PPP4R3B: variants seen among roughly 807,000 people sequenced by gnomAD.
PPP4R3B encodes protein phosphatase 4 regulatory subunit 3B, also known as serine/threonine-protein phosphatase 4 regulatory subunit 3B.
A neutral mutation model predicts 95.4 loss-of-function variants in PPP4R3B; 52 were observed. That is an observed-to-expected ratio of 0.54 (90% CI 0.44 to 0.69). The LOEUF is 0.69. PPP4R3B is among the 30% of genes least tolerant of loss of function. PPP4R3B has a pLI of 0.00. For synonymous variants in PPP4R3B, 407 were observed against 343.9 expected, an observed-to-expected ratio of 1.18 and a Z score of -2.03; for missense variants, 1,003 against 1,005.9, an observed-to-expected ratio of 1.00 and a Z score of 0.04.
chr2:55,570,010 T>A (rs1687804876), intron 12 of PPP4R3B, among the ~76,000 whole-genome samples: 1 of 152,112 alleles, frequency 6.6e-6, no homozygotes, highest in African/African-American at 2.4e-5. Flanking sequence ...GAAAAAAACA[T>A]TTGTGCTGAG....
At chr2:55,607,856 G>T (rs1693635319) in intron 2 of PPP4R3B, among the ~76,000 whole-genome samples, 1 of 152,136 alleles carries the variant, frequency 6.6e-6, no homozygotes, top group Non-Finnish European at 1.5e-5. Flanking sequence ...CTAACAGAAT[G>T]AAATCCAAAA....
intron 2 of PPP4R3B, among the ~76,000 whole-genome samples, chr2:55,608,407 T>C (rs909352792): frequency 6.6e-6 from 1 of 152,234 alleles, no homozygotes; most frequent in African/African-American, 2.4e-5. Flanking sequence ...GGACTGACCC[T>C]GGGAAACAGT....
intron 11 of PPP4R3B, among the ~76,000 whole-genome samples, chr2:55,575,723 C>A (rs1302783909): frequency 1.3e-5 from 2 of 152,056 alleles, no homozygotes; most frequent in African/African-American, 4.8e-5. Context: ...CAGGTGTGAG[C>A]CACCACGCTT....
chr2:55,589,347 C>CAAG (rs57315190), intron 4 of PPP4R3B, among the ~76,000 whole-genome samples: 127,862 of 151,998 alleles, frequency 0.84, 54,364 homozygotes, highest in African/African-American at 0.94. Flanking sequence ...ATTAGAAAAA[C>CAAG]AAGAATTGTA....
At chr2:55,611,208 T>G (rs533236317) in intron 2 of PPP4R3B, among the ~76,000 whole-genome samples, 1 of 152,074 alleles carries the variant, frequency 6.6e-6, no homozygotes, top group Non-Finnish European at 1.5e-5. Flanking sequence ...TGGGGTGCAA[T>G]GGCTACGCAC....
intron 8 of PPP4R3B, among the ~76,000 whole-genome samples, chr2:55,581,033 A>T (rs780676538): frequency 2.6e-5 from 4 of 152,092 alleles, no homozygotes; most frequent in Non-Finnish European, 5.9e-5. Flanking sequence ...CGGGTGGATC[A>T]CCTGAGGTCA....
At chr2:55,595,060 T>C (rs1691578683) in intron 4 of PPP4R3B, among the ~76,000 whole-genome samples, 1 of 150,932 alleles carries the variant, frequency 6.6e-6, no homozygotes, top group Non-Finnish European at 1.5e-5. Flanking sequence ...AGTCTCGCTC[T>C]GTCACCCTGG....
chr2:55,606,760 T>C (rs368414188), intron 2 of PPP4R3B, among the ~76,000 whole-genome samples: 19 of 149,556 alleles, frequency 1.3e-4, no homozygotes, highest in African/African-American at 4.0e-4. Context: ...GAGGTGGAGA[T>C]TTCAGTGAGC....
In PPP4R3B at chr2:55,608,586, A is replaced by G. The variant is rs188496457; in HGVS notation, c.199-4510T>C. ...GCTTGGACTATGCAGCAATCTCCCA[A>G]TGAGTTTCCCACTTATTGCTTCTCT... On this transcript the variant is annotated intron_variant, in intron 2 of 16. Coordinates refer to ENST00000616407, the MANE Select transcript of PPP4R3B (RefSeq NM_001122964.3). Among the ~76,000 whole-genome samples the G allele has an allele frequency of 7.6e-4, 115 of 152,272 alleles. 1 individual carries two copies. Among genetic ancestry groups the G allele is most frequent in the African/African-American group, 2.6e-3 (110 of 41,562 alleles).
chr2:55,563,753 A>G (rs1421280706), intron 15 of PPP4R3B, among the ~76,000 whole-genome samples: 1 of 152,246 alleles, frequency 6.6e-6, no homozygotes, highest in African/African-American at 2.4e-5. Context: ...AGGCCACAGA[A>G]GTAAAATGGT....
In PPP4R3B at chr2:55,598,958, C is replaced by T. The variant is rs374481587; in HGVS notation, c.379G>A (p.Glu127Lys). The T allele has an allele frequency of 4.3e-6, 7 of 1,614,036 alleles. No homozygotes were observed. Among genetic ancestry groups the T allele is most frequent in the Non-Finnish European group, 5.9e-6 (7 of 1,180,044 alleles). ...SEEERFEEMP[E>K]TSHLIDLPTC... The stretch of plus-strand genomic sequence containing the variant: ...GGCAGGTCAATCAGATGACTAGTTT[C>T]AGGCATTTCTTCAAATCGTTCTTCT... The change falls in exon 4 of 17, where the codon GAA (glutamate) becomes AAA (lysine). Residue 127 changes from glutamate to lysine, a missense_variant. This residue lies in a region of PPP4R3B where 695 missense variants were observed against 686.2 expected (regional missense o/e 1.01). Coordinates refer to ENST00000616407, the MANE Select transcript of PPP4R3B (RefSeq NM_001122964.3).
chr2:55,564,290 G>C, intron 15 of PPP4R3B, 23 bp downstream of exon 15: 1 of 1,599,432 alleles, frequency 6.3e-7, no homozygotes, highest in Non-Finnish European at 8.5e-7. Flanking sequence ...GGTACACTGT[G>C]CAAAAATTCC....
intron 8 of PPP4R3B, among the ~76,000 whole-genome samples, 163 bp from the exon 9 acceptor site, chr2:55,579,944 C>T (rs546287703): frequency 5.3e-5 from 8 of 151,954 alleles, no homozygotes; most frequent in East Asian, 1.9e-4. Context: ...AAAAATCAAA[C>T]ACTTGGTTAT....
rs1450454406 is a variant in PPP4R3B, at chr2:55,564,504, G to A, written c.2076-7C>T. ...ACGCAATATAGATGGTACACTGTAA[G>A]AAATATATCACAAATATTGAGTAAT... On this transcript the variant is annotated splice_polypyrimidine_tract_variant and splice_region_variant and intron_variant, in intron 14 of 16. Coordinates refer to ENST00000616407, the MANE Select transcript of PPP4R3B (RefSeq NM_001122964.3). The A allele has an allele frequency of 1.3e-6, 2 of 1,575,230 alleles. No individual in the cohort carries two copies. The highest frequency in any genetic ancestry group is 2.4e-5 in the South Asian group (2 of 84,492).
intron 2 of PPP4R3B, among the ~76,000 whole-genome samples, chr2:55,605,776 C>T (rs1376915997): frequency 3.3e-5 from 5 of 151,830 alleles, no homozygotes; most frequent in East Asian, 1.9e-4. Context: ...CGTGGTGGCG[C>T]GTGCCTATAG....
Position 55,571,309 on chromosome 2 carries a change from C to CA in PPP4R3B, c.1765+2309dup, listed in dbSNP as rs11358675. Among the ~76,000 whole-genome samples the CA allele has an allele frequency of 4.9e-4, 72 of 148,206 alleles. 1 individual carries two copies. In the South Asian group the frequency reaches 0.01, roughly 21 times the overall value. On this transcript the variant is annotated intron_variant, in intron 12 of 16. Coordinates refer to ENST00000616407, the MANE Select transcript of PPP4R3B (RefSeq NM_001122964.3). The stretch of plus-strand genomic sequence containing the variant: ...TGGGCAACAGAGCAAGACTCTGTCT[C>CA]AAAAAAAAAAATGGAAATGCATTCA...
intron 13 of PPP4R3B, 78 bp downstream of exon 13, chr2:55,568,116 G>A (rs936438057): frequency 2.0e-6 from 2 of 986,292 alleles, no homozygotes; most frequent in Non-Finnish European, 2.7e-6. Context: ...AAGTCACTTT[G>A]CTTACATGTA....
intron 2 of PPP4R3B, among the ~76,000 whole-genome samples, chr2:55,608,489 T>C (rs1310037692): frequency 6.6e-6 from 1 of 152,182 alleles, no homozygotes; most frequent in African/African-American, 2.4e-5. Context: ...AATTCTACCT[T>C]CAATAAAGAT....
intron 3 of PPP4R3B, among the ~76,000 whole-genome samples, chr2:55,600,572 T>C (rs1559037345): frequency 1.3e-5 from 2 of 151,494 alleles, no homozygotes; most frequent in South Asian, 2.1e-4. Flanking sequence ...ACATGAGATA[T>C]GATTTTGTGA....
Sources: allele counts gnomAD v4.1 joint callset (sites outside exome capture counted in the v4.1 genomes callset), GRCh38; gene constraint gnomAD v4.1.1; regional missense constraint gnomAD v4.1.1; transcripts MANE v1.5; gene names NCBI Gene and HGNC (gene_info 2026-07-23, HGNC 2026-07-21).